The following TRIM66 variants were observed in gnomAD, a reference collection of about 807,000 sequenced individuals.
TRIM66 encodes the protein tripartite motif containing 66.
TRIM66 carries 99 observed loss-of-function variants against 148.2 expected under a neutral mutation model. The observed-to-expected ratio is 0.67, with a 90% CI of 0.57 to 0.79. TRIM66 has a LOEUF of 0.79. Ranked by LOEUF, TRIM66 falls within the 30% of genes least tolerant of loss-of-function variation. The pLI is 0.00. For synonymous variants in TRIM66, 616 were observed against 635.9 expected, an observed-to-expected ratio of 0.97 and a Z score of 0.47; for missense variants, 1,666 against 1,697.9, an observed-to-expected ratio of 0.98 and a Z score of 0.33.
intron 12 of TRIM66, among the ~76,000 whole-genome samples, 192 bp downstream of exon 12, chr11:8,645,549 T>C (rs112621274): frequency 1.2e-4 from 18 of 152,276 alleles, no homozygotes; most frequent in African/African-American, 4.3e-4. Flanking sequence ...TGGGATTTGG[T>C]AAAAGATGGT....
At chr11:8,620,029 G>A (rs2141818012) in intron 22 of TRIM66, 21 bp downstream of exon 22, 3 of 1,549,648 alleles carry the variant, frequency 1.9e-6, no homozygotes, top group East Asian at 2.4e-5. Flanking sequence ...GAAGGTGAGA[G>A]AACAGCGTGG....
At chr11:8,635,622 AT>A (rs2035810274) in intron 15 of TRIM66, among the ~76,000 whole-genome samples, 2 of 152,180 alleles carry the variant, frequency 1.3e-5, no homozygotes, top group Non-Finnish European at 2.9e-5. Flanking sequence ...AGTTCAAGCC[AT>A]CAAAAGCCTA....
chr11:8,673,090 C>A (rs2039018266), intron 4 of TRIM66, among the ~76,000 whole-genome samples: 2 of 151,864 alleles, frequency 1.3e-5, no homozygotes, highest in South Asian at 4.2e-4. Flanking sequence ...CAGGCACCCA[C>A]CACCGCCCTG....
chr11:8,678,595 T>C (rs2039287788), intron 3 of TRIM66, among the ~76,000 whole-genome samples: 1 of 152,224 alleles, frequency 6.6e-6, no homozygotes, highest in African/African-American at 2.4e-5. Context: ...TTCAAGTCTT[T>C]CTGAAGTAAA....
chr11:8,639,952 G>A (rs1348750149), intron 14 of TRIM66, among the ~76,000 whole-genome samples: 1 of 152,116 alleles, frequency 6.6e-6, no homozygotes, highest in African/African-American at 2.4e-5. Flanking sequence ...CGGTGGGCAG[G>A]GTCCCTACTG....
chr11:8,670,387 T>C (rs2038867453), intron 6 of TRIM66, among the ~76,000 whole-genome samples: 1 of 152,174 alleles, frequency 6.6e-6, no homozygotes, highest in Non-Finnish European at 1.5e-5. Context: ...GCTGATGCCA[T>C]CTTTGTGTCC....
intron 12 of TRIM66, chr11:8,644,300 C>G: frequency 2.7e-6 from 1 of 375,370 alleles, no homozygotes; most frequent in Non-Finnish European, 5.2e-6. Context: ...TGAATTTCAG[C>G]AGCACCCCTC....
rs1237605183 is a variant in TRIM66 at position 8,613,077 on chromosome 11, G to A, written c.*4867C>T. ...AGCTCATAAACATGGTTGGCATGAG[G>A]AGAACTGAGTTCAGGAAAAGGAAGG... On this transcript the variant is annotated 3_prime_UTR_variant, in exon 25 of 25. Coordinates refer to ENST00000646038, the MANE Select transcript of TRIM66 (RefSeq NM_001388022.1). 6.6e-6 allele frequency: 1 copy of A among 152,266 alleles called. No homozygotes were observed. The highest frequency in any genetic ancestry group is 1.5e-5 in the Non-Finnish European group (1 of 68,092). The allele number at this position is 152,266 out of a possible 1,614,324, so 9.4% of individuals were successfully genotyped here.
intron 6 of TRIM66, chr11:8,654,425 C>T (rs1489134030): frequency 1.3e-5 from 2 of 152,206 alleles, no homozygotes; most frequent in Admixed American, 1.3e-4. Context: ...CCTATTCATC[C>T]TTTCATACCT....
intron 7 of TRIM66, among the ~76,000 whole-genome samples, chr11:8,651,214 C>T (rs769111615): frequency 5.3e-5 from 8 of 152,050 alleles, no homozygotes; most frequent in African/African-American, 1.7e-4. Context: ...CAGGGTCTGG[C>T]ACATGTGAGA....
At chr11:8,657,526 T>C (rs1421713195) in intron 6 of TRIM66, among the ~76,000 whole-genome samples, 1 of 152,096 alleles carries the variant, frequency 6.6e-6, no homozygotes, top group Non-Finnish European at 1.5e-5. Flanking sequence ...GGTGATACCG[T>C]GAACTACTAA....
At chr11:8,681,465 T>C (rs934125175) in intron 1 of TRIM66, among the ~76,000 whole-genome samples, 15 of 152,168 alleles carry the variant, frequency 9.9e-5, no homozygotes, top group Admixed American at 6.5e-5. Context: ...AAATATATTT[T>C]AGCTGAAGGG....
intron 6 of TRIM66, among the ~76,000 whole-genome samples, chr11:8,658,025 T>G (rs2037983079): frequency 6.6e-6 from 1 of 152,224 alleles, no homozygotes; most frequent in Admixed American, 6.5e-5. Context: ...CCCTGCATGC[T>G]GCAGCCAGGC....
Position 8,682,647 on chromosome 11 carries a change from A to C in TRIM66, c.-594T>G, listed in dbSNP as rs760463376. 29 of 753,150 alleles carry C rather than the reference A, an allele frequency of 3.9e-5. No individual in the cohort carries two copies. Among genetic ancestry groups the C allele is most frequent in the Non-Finnish European group, 6.6e-5 (28 of 427,010 alleles). 46.7% of individuals were successfully genotyped at this position (753,150 alleles called of 1,614,324 possible). On this transcript the variant is annotated 5_prime_UTR_variant, in exon 1 of 25. Transcript: ENST00000646038. ...GGACACTCCGTGATGGGGGATCACC[A>C]CCCTCAGAAAGAGGAAGCGACTAGC...
At chr11:8,642,045 C>A (rs138391848) in intron 13 of TRIM66, among the ~76,000 whole-genome samples, 1 of 152,082 alleles carries the variant, frequency 6.6e-6, no homozygotes, top group Non-Finnish European at 1.5e-5. Flanking sequence ...CACAATAATG[C>A]GAGAATGGAC....
chr11:8,683,107 CTT>C, upstream of TRIM66: 1 of 1,329,780 alleles, frequency 7.5e-7, no homozygotes, highest in Non-Finnish European at 1.1e-6. Context: ...GAAGTTAGGT[CTT>C]TGACCCACAG....
chr11:8,645,890 G>A lies in TRIM66; in HGVS notation c.958-3C>T, dbSNP rs1177852716. 6.4e-7 allele frequency: 1 copy of A among 1,551,304 alleles called. No homozygotes were observed. The highest frequency in any genetic ancestry group is 1.4e-5 in the African/African-American group (1 of 73,016). ...CGCTTTCTCTCATTAGTAATCCCCT[G>A]GGTACAGAGAGAAGACAGAGTCCTT... On this transcript the variant is annotated splice_polypyrimidine_tract_variant and splice_region_variant and intron_variant, in intron 11 of 24. Transcript: ENST00000646038.
In TRIM66 at chr11:8,619,436, C is replaced by T; in HGVS notation, c.3847G>A (p.Glu1283Lys). 1 of 1,550,468 alleles carries T rather than the reference C, an allele frequency of 6.4e-7. No individual in the cohort carries two copies. Among genetic ancestry groups the T allele is most frequent in the Non-Finnish European group, 8.7e-7 (1 of 1,146,546 alleles). ...KDPAHYTTPE[E>K]VVSDVRLMFW... ...ATGAGGCGCACATCTGATACCACCT[C>T]CTCTGGGGTGGTATAGTGAGCTGGG... The change falls in exon 23 of 25, where the codon GAG (glutamate) becomes AAG (lysine). Residue 1283 changes from glutamate (E) to lysine (K), a missense_variant. By Grantham distance (56) the Glu-to-Lys change is moderately conservative. Transcript: ENST00000646038.
chr11:8,652,695 A>C (rs1213675099), intron 6 of TRIM66, among the ~76,000 whole-genome samples: 3 of 152,190 alleles, frequency 2.0e-5, no homozygotes, highest in Non-Finnish European at 4.4e-5. Flanking sequence ...CAGTCAACCT[A>C]CTAGGAACAA....
Sources: allele counts gnomAD v4.1 joint callset (sites outside exome capture counted in the v4.1 genomes callset), GRCh38; gene constraint gnomAD v4.1.1; transcripts MANE v1.5; gene names NCBI Gene and HGNC (gene_info 2026-07-23, HGNC 2026-07-21).